The following PCDHGA6 variants were observed in gnomAD, a reference collection of about 807,000 sequenced individuals.
The protein encoded by PCDHGA6 is protocadherin gamma subfamily A, 6.
A neutral mutation model predicts 60.6 loss-of-function variants in PCDHGA6; 41 were observed. The ratio of observed to expected loss-of-function variants is 0.68; its 90% CI spans 0.53 to 0.88. The LOEUF (loss-of-function observed/expected upper bound fraction) is 0.88, where lower values mean the gene tolerates loss of function less well. PCDHGA6 is among the 40% of genes least tolerant of loss of function. The pLI, the probability that PCDHGA6 is intolerant of heterozygous loss-of-function variation, is 0.00. For synonymous variants in PCDHGA6, 594 were observed against 524.4 expected, an observed-to-expected ratio of 1.13 and a Z score of -1.81; for missense variants, 1,312 against 1,203.0, an observed-to-expected ratio of 1.09 and a Z score of -1.34.
chr5:141,392,641 C>G (rs541777624), intron 1 of PCDHGA6: 2 of 655,502 alleles, frequency 3.1e-6, no homozygotes, highest in Non-Finnish European at 2.5e-6. Context: ...TCACACCTCA[C>G]GAAGACCCGC....
chr5:141,481,026 C>T (rs1315533254), intron 1 of PCDHGA6, among the ~76,000 whole-genome samples: 1 of 152,100 alleles, frequency 6.6e-6, no homozygotes, highest in African/African-American at 2.4e-5. Flanking sequence ...CCACTGCACT[C>T]CAGCCTGGGC....
At chr5:141,397,304 A>G (rs1206880219) in intron 1 of PCDHGA6, among the ~76,000 whole-genome samples, 2 of 152,202 alleles carry the variant, frequency 1.3e-5, no homozygotes, top group Non-Finnish European at 2.9e-5. Context: ...TATTTCCTGA[A>G]GTAGAAGAGT....
chr5:141,414,843 G>T (rs2095794241), intron 1 of PCDHGA6: 1 of 1,614,100 alleles, frequency 6.2e-7, no homozygotes, highest in Admixed American at 1.7e-5. Context: ...GCCTGTTTGT[G>T]CTGGACCAGA....
intron 1 of PCDHGA6, among the ~76,000 whole-genome samples, chr5:141,484,211 G>A (rs1362875959): frequency 6.6e-6 from 1 of 152,158 alleles, no homozygotes; most frequent in Non-Finnish European, 1.5e-5. Context: ...ATGAACATTA[G>A]CATTCTGCCA....
chr5:141,384,296 C>T (rs763513374), intron 1 of PCDHGA6: 5 of 1,613,712 alleles, frequency 3.1e-6, no homozygotes, highest in Middle Eastern at 1.6e-4. Flanking sequence ...GAGAACAACC[C>T]CAGAGGGGCC....
At chr5:141,378,732 A>G (rs1311282729) in intron 1 of PCDHGA6, 1 of 152,232 alleles carries the variant, frequency 6.6e-6, no homozygotes, top group Admixed American at 6.5e-5. Context: ...CTCTTTATTG[A>G]AATATTTCAA....
chr5:141,507,525 A>T (rs1053801558), intron 3 of PCDHGA6, among the ~76,000 whole-genome samples: 1 of 152,000 alleles, frequency 6.6e-6, no homozygotes, highest in Non-Finnish European at 1.5e-5. Context: ...ATGATTCCAG[A>T]GAGGCCAGAG....
At chr5:141,502,203 C>G (rs1562205141) in intron 2 of PCDHGA6, among the ~76,000 whole-genome samples, 1 of 152,122 alleles carries the variant, frequency 6.6e-6, no homozygotes. Context: ...ATAGAATCCA[C>G]CAGCAGATTT....
rs775290219 is a variant in PCDHGA6 at position 141,423,576 on chromosome 5, G to A, written c.2424+47069G>A. On this transcript the variant is annotated intron_variant, in intron 1 of 3. Transcript: ENST00000517434. ...ACTATGGGGACACGCTCATCAGCCAGGAGAGCTGTGAGAAAAGCGAGCCAC... is the reference window on the plus strand; with the variant it reads ...ACTATGGGGACACGCTCATCAGCCAAGAGAGCTGTGAGAAAAGCGAGCCAC... The A allele has an allele frequency of 1.9e-6, 3 of 1,613,588 alleles. No homozygotes were observed. In the Admixed American group the frequency reaches 5.0e-5, roughly 27 times the overall value.
Position 141,376,384 on chromosome 5 carries a change from T to G in PCDHGA6, c.2301T>G (p.His767Gln). Residue 767 changes from histidine (H) to glutamine (Q), a missense_variant, in exon 1 of 4, where the codon CAT (histidine) becomes CAG (glutamine). By Grantham distance (24) the His-to-Gln change is conservative. Transcript: ENST00000517434. The part of the protein sequence containing the change: ...VSLTADSRKS[H>Q]LIFPQPNYAD... ...TCACTGCAGACTCGCGTAAGAGTCA[T>G]CTGATTTTCCCCCAGCCCAACTATG... 1 of 1,614,204 alleles carries G rather than the reference T, an allele frequency of 6.2e-7. No homozygotes were observed. The highest frequency in any genetic ancestry group is 1.1e-5 in the South Asian group (1 of 91,088).
intron 1 of PCDHGA6, chr5:141,384,015 A>G: frequency 6.2e-7 from 1 of 1,613,830 alleles, no homozygotes; most frequent in Non-Finnish European, 8.5e-7. Flanking sequence ...TCTACCTACA[A>G]GACAGAGATT....
intron 1 of PCDHGA6, among the ~76,000 whole-genome samples, chr5:141,479,909 A>G (rs2099509651): frequency 6.6e-6 from 1 of 152,160 alleles, no homozygotes; most frequent in South Asian, 2.1e-4. Context: ...AAACACTGTT[A>G]TTTTGTTACT....
chr5:141,404,164 G>A, intron 1 of PCDHGA6: 2 of 1,613,126 alleles, frequency 1.2e-6, no homozygotes, highest in South Asian at 2.2e-5. Context: ...ATTACAGATT[G>A]TTGACGGCCC....
At chr5:141,413,035 C>A (rs1481573261) in intron 1 of PCDHGA6, 2 of 800,134 alleles carry the variant, frequency 2.5e-6, no homozygotes, top group African/African-American at 1.7e-5. Context: ...AAACCGGCTG[C>A]TGGGCTGCAG....
chr5:141,375,657 TGA>T lies in PCDHGA6; in HGVS notation c.1579_1580del (p.Asp527ProfsTer16). ...CTGCGCTCCTTCGACTATGAGCAGTTGAGAGACCTACAGCTGTGGGTGACAGC... is the reference window on the plus strand; with the variant it reads ...CTGCGCTCCTTCGACTATGAGCAGTTGAGACCTACAGCTGTGGGTGACAGC... On this transcript the variant is annotated frameshift_variant, in exon 1 of 4. Coordinates refer to ENST00000517434, the MANE Select transcript of PCDHGA6 (RefSeq NM_018919.3). LOFTEE classifies it high-confidence loss of function. 1 of 1,614,192 alleles carries T rather than the reference TGA, an allele frequency of 6.2e-7. No homozygotes were observed. Among genetic ancestry groups the T allele is most frequent in the Non-Finnish European group, 8.5e-7 (1 of 1,180,038 alleles).
At chr5:141,464,263 TAA>T (rs35224477) in intron 1 of PCDHGA6, among the ~76,000 whole-genome samples, 15 of 103,552 alleles carry the variant, frequency 1.4e-4, no homozygotes, top group Admixed American at 3.2e-4. Context: ...AGACTCCGTC[TAA>T]AAAAAAAAAA....
At chr5:141,393,370 A>G (rs2092740114) in intron 1 of PCDHGA6, 5 of 1,613,954 alleles carry the variant, frequency 3.1e-6, no homozygotes, top group Non-Finnish European at 2.5e-6. Context: ...CAGACTGGAG[A>G]CAATGGAGCC....
At chr5:141,414,704 C>A (rs778708386) in intron 1 of PCDHGA6, 8 of 1,614,036 alleles carry the variant, frequency 5.0e-6, no homozygotes, top group Non-Finnish European at 5.9e-6. Flanking sequence ...TCATACATAT[C>A]CATCAACTCA....
chr5:141,472,068 G>C (rs1050927364), intron 1 of PCDHGA6, among the ~76,000 whole-genome samples: 7 of 151,974 alleles, frequency 4.6e-5, no homozygotes, highest in Non-Finnish European at 8.8e-5. Context: ...CATGTCTGTG[G>C]TTATATCAAT....
Sources: gnomAD v4.1 joint callset for allele counts (sites outside exome capture counted in the v4.1 genomes callset) on GRCh38, gnomAD v4.1.1 for gene constraint, MANE v1.5 for transcripts, NCBI Gene and HGNC (gene_info 2026-07-23, HGNC 2026-07-21) for gene names.